GLO1: variants seen among roughly 807,000 people sequenced by gnomAD.
GLO1 encodes lactoylglutathione lyase.
Under a neutral mutation model 26.0 loss-of-function variants are expected in GLO1, and 28 were observed. That is an observed-to-expected ratio of 1.08 (90% CI 0.80 to 1.48). GLO1 has a LOEUF of 1.48. Ranked by LOEUF, GLO1 falls within the 40% of genes most tolerant of loss-of-function variation. The pLI is 0.00. For synonymous variants in GLO1, 78 were observed against 77.6 expected (o/e 1.00, Z -0.03); for missense variants, 225 against 224.8 (o/e 1.00, Z -0.01).
intron 4 of GLO1, 47 bp downstream of exon 4, chr6:38,682,761 A>C (rs1378036207): frequency 4.0e-6 from 4 of 1,002,864 alleles, no homozygotes; most frequent in Non-Finnish European, 6.4e-6. Context: ...TACATAATAC[A>C]AAATCACACA....
rs1166314998 is a variant in GLO1, at chr6:38,676,857, C to T, written c.*438G>A. ...TGTAAAATAAACACTTTGTACTTTACTGAAAGAACACTAGTGTTCTTTCCT... is the reference window on the plus strand; with the variant it reads ...TGTAAAATAAACACTTTGTACTTTATTGAAAGAACACTAGTGTTCTTTCCT... On this transcript the variant is annotated 3_prime_UTR_variant, in exon 6 of 6. Coordinates refer to ENST00000373365, the MANE Select transcript of GLO1 (RefSeq NM_006708.3). 2 of 158,316 alleles carry T rather than the reference C, an allele frequency of 1.3e-5. No individual in the cohort carries two copies. The highest frequency in any genetic ancestry group is 2.8e-5 in the Non-Finnish European group (2 of 72,726). 9.8% of individuals were successfully genotyped at this position (158,316 alleles called of 1,614,324 possible). A position where few individuals can be genotyped will look rare whatever the true frequency, so the allele number is the denominator to read the frequency against.
intron 1 of GLO1, among the ~76,000 whole-genome samples, chr6:38,694,346 T>C (rs1761578219): frequency 6.6e-6 from 1 of 152,282 alleles, no homozygotes; most frequent in East Asian, 1.9e-4. Context: ...GTTCTTCTGT[T>C]TCCTTGTTAA....
intron 1 of GLO1, among the ~76,000 whole-genome samples, chr6:38,691,963 G>C (rs1293535810): frequency 6.6e-6 from 1 of 152,194 alleles, no homozygotes; most frequent in African/African-American, 2.4e-5. Flanking sequence ...CCACAGAGTA[G>C]TGATTACTGT....
At position 38,693,673 on chromosome 6, in the gene GLO1, CTCTCTCTCTCTCTA is replaced by C. The variant is rs1339551525; in HGVS notation, c.85-6713_85-6700del. Among the ~76,000 whole-genome samples, 270 of 98,144 alleles carry C rather than the reference CTCTCTCTCTCTCTA, an allele frequency of 2.8e-3. 1 individual carries two copies. The highest frequency in any genetic ancestry group is 0.013 in the Middle Eastern group (3 of 228). 64.4% of individuals were successfully genotyped at this position (98,144 alleles called of 152,430 possible). ...TTTTCATTCAGCTCTCTCTCTCTCT[CTCTCTCTCTCTCTA>C]TATATATATATATATATATTTGTTT... On this transcript the variant is annotated intron_variant, in intron 1 of 5. Transcript: ENST00000373365.
Position 38,677,249 on chromosome 6 carries a change from C to T in GLO1, c.*46G>A. ...TCTGGTATGTAAATATCTTGAATCA[C>T]ATTGTTTCCTTTCTTCTGAAATCTC... On this transcript the variant is annotated 3_prime_UTR_variant, in exon 6 of 6. Transcript: ENST00000373365. 1.1e-6 allele frequency: 1 copy of T among 878,384 alleles called. No individual in the cohort carries two copies. The highest frequency in any genetic ancestry group is 2.0e-6 in the Non-Finnish European group (1 of 509,690). The allele number at this position is 878,384 out of a possible 1,614,324, so 54.4% of individuals were successfully genotyped here.
At chr6:38,688,957 G>T (rs1410587858) in intron 1 of GLO1, among the ~76,000 whole-genome samples, 1 of 152,212 alleles carries the variant, frequency 6.6e-6, no homozygotes, top group African/African-American at 2.4e-5. Context: ...GAAAGTAGAA[G>T]AGGAGTGTGG....
In GLO1 at chr6:38,682,820, G is replaced by T; in HGVS notation, c.364C>A (p.Pro122Thr). Residue 122 changes from proline (P) to threonine (T), a missense_variant, in exon 4 of 6, where the codon CCT becomes ACT. Physicochemically the swap from Pro to Thr is conservative, Grantham distance 38 (BLOSUM62 -1). Coordinates refer to ENST00000373365, the MANE Select transcript of GLO1 (RefSeq NM_006708.3). ...TQSYHNGNSD[P>T]RGFGHIGIAV... ...CAGGCAAACTTACCGAATCCTCGAG[G>T]GTCTGAATTGCCATTGTGGTAACTC... 6.3e-7 allele frequency: 1 copy of T among 1,593,756 alleles called. No individual in the cohort carries two copies. The highest frequency in any genetic ancestry group is 8.6e-7 in the Non-Finnish European group (1 of 1,161,542).
intron 1 of GLO1, among the ~76,000 whole-genome samples, chr6:38,700,104 C>T (rs762205988): frequency 5.1e-4 from 78 of 152,204 alleles, no homozygotes; most frequent in Non-Finnish European, 5.9e-4. Flanking sequence ...TGTCACCCCC[C>T]GGCAGCCCAG....
chr6:38,687,140 G>C (rs1761471412), intron 1 of GLO1, 166 bp from the exon 2 acceptor site: 1 of 982,014 alleles, frequency 1.0e-6, no homozygotes, highest in African/African-American at 1.7e-5. Flanking sequence ...CCTGTGTGAT[G>C]CAAGTCCAAA....
intron 1 of GLO1, among the ~76,000 whole-genome samples, chr6:38,700,243 T>C (rs1240471572): frequency 6.6e-6 from 1 of 152,236 alleles, no homozygotes; most frequent in Admixed American, 6.5e-5. Context: ...CTAAGATGTT[T>C]CCTTCATCAG....
chr6:38,688,929 C>A (rs1041955786), intron 1 of GLO1, among the ~76,000 whole-genome samples: 7 of 152,084 alleles, frequency 4.6e-5, no homozygotes, highest in African/African-American at 1.7e-4. Flanking sequence ...AGAGAGAGAG[C>A]GAGCGTGCGC....
At chr6:38,690,528 G>A (rs1248376659) in intron 1 of GLO1, among the ~76,000 whole-genome samples, 1 of 150,974 alleles carries the variant, frequency 6.6e-6, no homozygotes, top group East Asian at 1.9e-4. Context: ...TGGTATATTA[G>A]CTTTTAAAAA....
At chr6:38,695,356 T>C (rs1034296446) in intron 1 of GLO1, among the ~76,000 whole-genome samples, 1 of 152,130 alleles carries the variant, frequency 6.6e-6, no homozygotes, top group Non-Finnish European at 1.5e-5. Context: ...CATACATGTA[T>C]ATATGTATAT....
At chr6:38,677,922 G>A (rs989310006) in intron 5 of GLO1, among the ~76,000 whole-genome samples, 5 of 152,090 alleles carry the variant, frequency 3.3e-5, no homozygotes, top group African/African-American at 1.2e-4. Context: ...TTAGGTATCA[G>A]GCATTTGCCT....
intron 5 of GLO1, among the ~76,000 whole-genome samples, chr6:38,678,334 AAGAG>A (rs1454984401): frequency 2.0e-5 from 3 of 150,466 alleles, no homozygotes; most frequent in African/African-American, 7.4e-5. Context: ...GAGAAAGAGA[AAGAG>A]AAAGAGAGAA....
At chr6:38,690,301 A>G (rs1761512323) in intron 1 of GLO1, among the ~76,000 whole-genome samples, 1 of 152,226 alleles carries the variant, frequency 6.6e-6, no homozygotes, top group Admixed American at 6.5e-5. Flanking sequence ...CTGAGAAAGT[A>G]AGTGGCAGAG....
intron 1 of GLO1, among the ~76,000 whole-genome samples, chr6:38,695,145 G>T (rs1761590442): frequency 6.6e-6 from 1 of 151,900 alleles, no homozygotes; most frequent in African/African-American, 2.4e-5. Flanking sequence ...TTTTCTGTTT[G>T]TTCTTCCTTT....
At chr6:38,688,419 T>TA (rs202215094) in intron 1 of GLO1, among the ~76,000 whole-genome samples, 57,312 of 148,034 alleles carry the variant, frequency 0.39, 11,297 homozygotes, top group Non-Finnish European at 0.45. Context: ...GATACCAAAA[T>TA]AAAAAAAAAA....
At chr6:38,694,889 G>A (rs1033154042) in intron 1 of GLO1, among the ~76,000 whole-genome samples, 1 of 152,156 alleles carries the variant, frequency 6.6e-6, no homozygotes, top group Non-Finnish European at 1.5e-5. Context: ...TTGCCCCAAA[G>A]TCTACTTTAT....
Sources: allele counts gnomAD v4.1 joint callset (sites outside exome capture counted in the v4.1 genomes callset), GRCh38; gene constraint gnomAD v4.1.1; transcripts MANE v1.5; gene names NCBI Gene and HGNC (gene_info 2026-07-23, HGNC 2026-07-21).